Variants in ENPEP observed in about 807,000 individuals in gnomAD.
ENPEP encodes the protein AP-A.
Under a neutral mutation model 114.5 loss-of-function variants are expected in ENPEP, and 103 were observed. The observed-to-expected ratio is 0.90, with a 90% CI of 0.77 to 1.06. The LOEUF is 1.06. ENPEP is among the 50% of genes least tolerant of loss of function. The pLI is 0.00. For synonymous variants in ENPEP, 420 were observed against 422.0 expected (o/e 1.00, Z 0.06); for missense variants, 1,196 against 1,161.3 (o/e 1.03, Z -0.43).
chr4:110,543,087 G>C lies in ENPEP; in HGVS notation c.2000+17G>C. ...CTTGGCAAGGTGCGTTTTAGAATGA[G>C]ACTAAATTACTTAAAATACTGTGGG... On this transcript the variant is annotated intron_variant, in intron 13 of 19. Coordinates refer to ENST00000265162, the MANE Select transcript of ENPEP (RefSeq NM_001977.4). The C allele has an allele frequency of 6.2e-7, 1 of 1,604,954 alleles. No homozygotes were observed. Among genetic ancestry groups the C allele is most frequent in the Non-Finnish European group, 8.5e-7 (1 of 1,172,352 alleles).
intron 1 of ENPEP, among the ~76,000 whole-genome samples, chr4:110,484,925 G>GCACA (rs1724449890): frequency 6.6e-6 from 1 of 151,714 alleles, no homozygotes; most frequent in South Asian, 2.1e-4. Flanking sequence ...GCGCATGCAC[G>GCACA]CACGCACACT....
At position 110,520,007 on chromosome 4, in the gene ENPEP, G is replaced by C. The variant is rs185698438; in HGVS notation, c.1510-1G>C. 1 of 1,613,292 alleles carries C rather than the reference G, an allele frequency of 6.2e-7. No homozygotes were observed. The highest frequency in any genetic ancestry group is 2.2e-5 in the East Asian group (1 of 44,844). On this transcript the variant is annotated splice_acceptor_variant, in intron 8 of 19. Coordinates refer to ENST00000265162, the MANE Select transcript of ENPEP (RefSeq NM_001977.4). LOFTEE classifies it high-confidence loss of function. ...ACATGCTGATTATTTTTTACACACA[G>C]ATGTACTTGGAAAAATACCAATTCA...
chr4:110,501,500 G>T (rs1358741287), intron 3 of ENPEP, among the ~76,000 whole-genome samples: 1 of 152,084 alleles, frequency 6.6e-6, no homozygotes, highest in Non-Finnish European at 1.5e-5. Context: ...AGTACTCAAT[G>T]TTTAGGTCCC....
chr4:110,507,897 C>G (rs1725428440), intron 4 of ENPEP, among the ~76,000 whole-genome samples: 1 of 152,118 alleles, frequency 6.6e-6, no homozygotes, highest in South Asian at 2.1e-4. Context: ...ATCACTTGAG[C>G]CCAGGAGGTT....
intron 11 of ENPEP, 97 bp from the exon 12 acceptor site, chr4:110,542,654 C>A: frequency 2.4e-6 from 3 of 1,252,698 alleles, no homozygotes; most frequent in Non-Finnish European, 3.2e-6. Context: ...GCTAATATTT[C>A]TTTTCTTTTA....
chr4:110,547,413 CTTGAG>C (rs1727107438), intron 13 of ENPEP, among the ~76,000 whole-genome samples: 1 of 152,034 alleles, frequency 6.6e-6, no homozygotes, highest in African/African-American at 2.4e-5. Context: ...TGCTAGCAGT[CTTGAG>C]TTGAGTTCCC....
chr4:110,542,886 A>G lies in ENPEP; in HGVS notation c.1943A>G (p.Lys648Arg), dbSNP rs746628193. 7.4e-6 allele frequency: 12 copies of G among 1,612,428 alleles called. No individual in the cohort carries two copies. In the African/African-American group the frequency reaches 9.4e-5, roughly 13 times the overall value. The change falls in exon 12 of 20, where the codon AAG (lysine) becomes AGG (arginine). Residue 648 changes from lysine to arginine, a missense_variant and splice_region_variant. Physicochemically the swap from Lys to Arg is conservative, Grantham distance 26. Transcript: ENST00000265162. ...SIATALSLNH[K>R]TFSSADRASL... ...GCTACAGCGCTCTCCTTGAACCACA[A>G]GGTAAGAGATAGCAATGGTTGGAAA...
chr4:110,490,970 T>G (rs1479222665), intron 2 of ENPEP, 63 bp from the exon 3 acceptor site: 34 of 1,523,338 alleles, frequency 2.2e-5, no homozygotes, highest in Middle Eastern at 2.0e-4. Context: ...CGTTTATTTG[T>G]TTGTCTTGCA....
chr4:110,520,204 T>C lies in ENPEP; in HGVS notation c.1576-11T>C, dbSNP rs200423851. The stretch of plus-strand genomic sequence containing the variant: ...TTAATTAATTAATCTCCATTTTGTT[T>C]TCAATCTTAGGCAAGTAGGCTACCA... On this transcript the variant is annotated splice_polypyrimidine_tract_variant and intron_variant, in intron 9 of 19. Coordinates refer to ENST00000265162, the MANE Select transcript of ENPEP (RefSeq NM_001977.4). 27 of 1,612,124 alleles carry C rather than the reference T, an allele frequency of 1.7e-5. No homozygotes were observed. The South Asian group carries it at 1.9e-4, about 11-fold the overall frequency.
chr4:110,544,609 G>T (rs1394492736), intron 13 of ENPEP, among the ~76,000 whole-genome samples: 1 of 152,116 alleles, frequency 6.6e-6, no homozygotes, highest in East Asian at 1.9e-4. Flanking sequence ...TGATCAATAA[G>T]TATTTTTAAA....
chr4:110,557,231 AT>A (rs1727509075), intron 18 of ENPEP, among the ~76,000 whole-genome samples: 1 of 152,228 alleles, frequency 6.6e-6, no homozygotes, highest in Non-Finnish European at 1.5e-5. Flanking sequence ...GGGTGAATAA[AT>A]TAGCAATTTT....
Position 110,510,234 on chromosome 4 carries a change from T to A in ENPEP, c.1195-11T>A, listed in dbSNP as rs751718440. The A allele has an allele frequency of 3.7e-6, 6 of 1,603,586 alleles. No homozygotes were observed. In the South Asian group the frequency reaches 6.6e-5, roughly 18 times the overall value. ...AGAATGTAATTATCTCTTTATTGCT[T>A]ATAATTTCAGTGGTTTGGAAATATT... On this transcript the variant is annotated splice_polypyrimidine_tract_variant and intron_variant, in intron 5 of 19. Transcript: ENST00000265162.
intron 10 of ENPEP, among the ~76,000 whole-genome samples, chr4:110,529,179 G>A (rs572824762): frequency 6.6e-6 from 1 of 152,286 alleles, no homozygotes; most frequent in East Asian, 1.9e-4. Context: ...TTAACTGTGG[G>A]CCTAGGTCAT....
chr4:110,482,158 A>G (rs1724334329), intron 1 of ENPEP, among the ~76,000 whole-genome samples: 1 of 152,218 alleles, frequency 6.6e-6, no homozygotes, highest in Non-Finnish European at 1.5e-5. Context: ...ACTTGGATAT[A>G]TGAAAGATAT....
intron 3 of ENPEP, among the ~76,000 whole-genome samples, chr4:110,496,368 A>G (rs993762436): frequency 1.1e-4 from 16 of 152,186 alleles, no homozygotes; most frequent in African/African-American, 3.6e-4. Flanking sequence ...CTTATTTTGA[A>G]ATAATTTTAG....
chr4:110,542,991 A>G lies in ENPEP; in HGVS notation c.1945-24A>G, dbSNP rs113362159. ...GCTTTGCCTTAAGAATTGTGTTTTT[A>G]TCTCTCTTTCTCCCTCTTCCCAGAC... is the stretch of plus-strand genomic sequence containing the variant. On this transcript the variant is annotated intron_variant, in intron 12 of 19. Transcript: ENST00000265162. 7.0e-4 allele frequency: 1,124 copies of G among 1,612,264 alleles called. 4 individuals carry two copies. The African/African-American group carries it at 0.013, about 18-fold the overall frequency.
chr4:110,522,319 C>G (rs1196139609), intron 10 of ENPEP, among the ~76,000 whole-genome samples: 2 of 151,912 alleles, frequency 1.3e-5, no homozygotes, highest in East Asian at 3.9e-4. Flanking sequence ...GTAACTGAAA[C>G]TGTAGGTACA....
At chr4:110,484,124 A>C (rs1724412759) in intron 1 of ENPEP, among the ~76,000 whole-genome samples, 1 of 152,204 alleles carries the variant, frequency 6.6e-6, no homozygotes, top group Admixed American at 6.5e-5. Flanking sequence ...GTCAGAAAGC[A>C]CTAGCATTCT....
intron 3 of ENPEP, among the ~76,000 whole-genome samples, chr4:110,498,291 C>T (rs1725018620): frequency 6.6e-6 from 1 of 151,960 alleles, no homozygotes; most frequent in Admixed American, 6.6e-5. Flanking sequence ...TTGGGGGATC[C>T]TTTAAGCATG....
Sources: gnomAD v4.1 joint callset for allele counts (sites outside exome capture counted in the v4.1 genomes callset) on GRCh38, gnomAD v4.1.1 for gene constraint, MANE v1.5 for transcripts, NCBI Gene and HGNC (gene_info 2026-07-23, HGNC 2026-07-21) for gene names.